CDKN2A: variants seen among roughly 807,000 people sequenced by gnomAD.
CDKN2A encodes cyclin dependent kinase inhibitor 2A, also known as cyclin-dependent kinase inhibitor 2A.
CDKN2A carries 3 observed loss-of-function variants against 11.1 expected under a neutral mutation model. That is an observed-to-expected ratio of 0.27 (90% CI 0.12 to 0.70). CDKN2A has a LOEUF of 0.70. Ranked by LOEUF, CDKN2A falls within the 30% of genes least tolerant of loss-of-function variation. The pLI is 0.77. For synonymous variants in CDKN2A, 122 were observed against 108.1 expected, an observed-to-expected ratio of 1.13 and a Z score of -0.80; for missense variants, 265 against 233.6, an observed-to-expected ratio of 1.13 and a Z score of -0.88.
chr9:21,975,049 A>C, upstream of CDKN2A: 4 of 1,344,546 alleles, frequency 3.0e-6, no homozygotes, highest in South Asian at 2.0e-5. Flanking sequence ...GGTGCTATTA[A>C]CTCCGAGCAC....
rs869312793 is a variant in CDKN2A, at chr9:21,969,973, G to A, written c.457+929C>T. Among the ~76,000 whole-genome samples, 16 of 152,044 alleles carry A rather than the reference G, an allele frequency of 1.1e-4. No individual in the cohort carries two copies. Among genetic ancestry groups the A allele is most frequent in the Non-Finnish European group, 2.9e-5 (2 of 68,020 alleles). ...ATGGCCCAAGGAGCCCAATGCCCCC[G>A]TTCTGGGCCAAAATAAGATGGATTT... On this transcript the variant is annotated intron_variant, in intron 2 of 2. Transcript: ENST00000304494.
At position 21,968,051 on chromosome 9, in the gene CDKN2A, G is replaced by A. The variant is rs920565471; in HGVS notation, c.*178C>T. 1.7e-5 allele frequency: 11 copies of A among 632,304 alleles called. No individual in the cohort carries two copies. The highest frequency in any genetic ancestry group is 7.4e-5 in the African/African-American group (4 of 54,206). The allele number at this position is 632,304 out of a possible 1,614,324, so 39.2% of individuals were successfully genotyped here. A position where few individuals can be genotyped will look rare whatever the true frequency, so the allele number is the denominator to read the frequency against. ...AAAAATGATATAAATGGACATTTAC[G>A]GTAGTGGGGGAAGGCATATATCTAC... On this transcript the variant is annotated 3_prime_UTR_variant, in exon 3 of 3. Coordinates refer to ENST00000304494, the MANE Select transcript of CDKN2A (RefSeq NM_000077.5). This position sits in a 1 kb window ranked among gnomAD's most constrained non-coding sequence, Gnocchi z 4.7.
chr9:21,983,395 T>C (rs114598324), intron 2 of CDKN2A, among the ~76,000 whole-genome samples: 162 of 152,234 alleles, frequency 1.1e-3, no homozygotes, highest in African/African-American at 3.7e-3. Flanking sequence ...ATGAGCTTTT[T>C]CTAACTTATT....
At chr9:21,984,528 G>C (rs1820261071) in intron 2 of CDKN2A, among the ~76,000 whole-genome samples, 1 of 151,922 alleles carries the variant, frequency 6.6e-6, no homozygotes, top group South Asian at 2.1e-4. Flanking sequence ...CAAATATGCT[G>C]TCCTTTTTAA....
At chr9:21,971,647 T>G (rs751101743) in intron 1 of CDKN2A, among the ~76,000 whole-genome samples, 5 of 147,756 alleles carry the variant, frequency 3.4e-5, no homozygotes, top group Non-Finnish European at 7.4e-5. Flanking sequence ...AAGAGAAAAC[T>G]TGTTTGTTTG....
upstream of CDKN2A, among the ~76,000 whole-genome samples, chr9:21,976,996 A>G (rs972954476): frequency 1.3e-5 from 2 of 152,248 alleles, no homozygotes; most frequent in African/African-American, 4.8e-5. Flanking sequence ...AGCTCTGTTT[A>G]AAAGTTATAT....
rs1333089816 is a variant in CDKN2A, at chr9:21,988,153, G to A, written c.-4+5729C>T. On this transcript the variant is annotated intron_variant, in intron 2 of 3. Coordinates refer to the CDKN2A transcript ENST00000494262. This position sits in a 1 kb window ranked among gnomAD's most constrained non-coding sequence, Gnocchi z 4.1. ...TACATGTCTTTGTTCATGTAATTCT[G>A]AACCTCTATAAAACTTTTCTCTCTT... Among the ~76,000 whole-genome samples, 2 of 151,952 alleles carry A rather than the reference G, an allele frequency of 1.3e-5. No individual in the cohort carries two copies. The highest frequency in any genetic ancestry group is 6.5e-5 in the Admixed American group (1 of 15,272).
chr9:21,970,802 C>T, intron 2 of CDKN2A, 100 bp downstream of exon 2: 1 of 1,434,862 alleles, frequency 7.0e-7, no homozygotes, highest in Non-Finnish European at 9.6e-7. Context: ...GAGGCAAGAC[C>T]GGAGACTGGT....
chr9:21,981,777 T>C (rs1329362713), intron 2 of CDKN2A, among the ~76,000 whole-genome samples: 1 of 152,062 alleles, frequency 6.6e-6, no homozygotes, highest in Non-Finnish European at 1.5e-5. Flanking sequence ...TCGAGTCCAA[T>C]GTGGGTGGTA....
Position 21,974,303 on chromosome 9 carries a change from T to G in CDKN2A, c.150+375A>C. On this transcript the variant is annotated intron_variant, in intron 1 of 2. Transcript: ENST00000304494. This position sits in a 1 kb window ranked among gnomAD's most constrained non-coding sequence, Gnocchi z 5.2. The stretch of plus-strand genomic sequence containing the variant: ...GAAAGATAAGCTCCATCCAGGTATC[T>G]GTGAATTGGAGGCTAAGTAGTCCCA... The G allele has an allele frequency of 2.3e-6, 2 of 887,984 alleles. No homozygotes were observed. The highest frequency in any genetic ancestry group is 3.2e-6 in the Non-Finnish European group (2 of 626,932). 55.0% of individuals were successfully genotyped at this position (887,984 alleles called of 1,614,324 possible).
At chr9:21,972,550 AC>A (rs1216496908) in intron 1 of CDKN2A, among the ~76,000 whole-genome samples, 1 of 152,178 alleles carries the variant, frequency 6.6e-6, no homozygotes, top group Non-Finnish European at 1.5e-5. Flanking sequence ...AAGGAATGAA[AC>A]CTTGTGGACC....
At position 21,990,318 on chromosome 9, in the gene CDKN2A, C is replaced by T. The variant is rs184432571; in HGVS notation, c.-4+3564G>A. Among the ~76,000 whole-genome samples the T allele has an allele frequency of 1.3e-3, 200 of 152,224 alleles. 1 individual carries two copies. Among genetic ancestry groups the T allele is most frequent in the African/African-American group, 4.5e-3 (187 of 41,546 alleles). On this transcript the variant is annotated intron_variant, in intron 2 of 3. Transcript: ENST00000494262. ...ACATAGCGTGCATTTCACAGTCTGA[C>T]GTCACAGCCCTCGCAGGTTTTCCCA...
intron 2 of CDKN2A, among the ~76,000 whole-genome samples, chr9:21,983,225 T>C (rs1467208037): frequency 6.6e-6 from 1 of 152,114 alleles, no homozygotes; most frequent in East Asian, 1.9e-4. Flanking sequence ...ATGATTTGCT[T>C]TCCTGATTAA....
In CDKN2A at chr9:21,991,100, T is replaced by C. The variant is rs939546148; in HGVS notation, c.-4+2782A>G. ...AAAATGAAACTGTACCCATTGTTTA[T>C]ATAACTTAAACTGCCAAAATAAAGC... On this transcript the variant is annotated intron_variant, in intron 2 of 3. Coordinates refer to the CDKN2A transcript ENST00000494262. The surrounding 1 kb of genome is among the most constrained non-coding windows in gnomAD (Gnocchi z 5.2). Among the ~76,000 whole-genome samples, 1 of 152,228 alleles carries C rather than the reference T, an allele frequency of 6.6e-6. No homozygotes were observed. The highest frequency in any genetic ancestry group is 1.5e-5 in the Non-Finnish European group (1 of 68,026).
In CDKN2A at chr9:21,994,147, C is replaced by A. The variant is rs1369774700; in HGVS notation, c.-175-94G>T. 6.2e-7 allele frequency: 1 copy of A among 1,601,632 alleles called. No individual in the cohort carries two copies. Among genetic ancestry groups the A allele is most frequent in the Admixed American group, 1.7e-5 (1 of 59,984 alleles). ...TCGAGGGCCTTTCCTACCTGGTCTTCTAGGAAGCGGCTGCTGCCCTAGACG... is the reference window on the plus strand; with the variant it reads ...TCGAGGGCCTTTCCTACCTGGTCTTATAGGAAGCGGCTGCTGCCCTAGACG... On this transcript the variant is annotated intron_variant, in intron 1 of 3. Transcript: ENST00000494262.
At chr9:21,975,232 T>G (rs922515148), upstream of CDKN2A, 117 of 979,250 alleles carry the variant, frequency 1.2e-4, no homozygotes, top group African/African-American at 1.8e-3. Flanking sequence ...CTCCCCCGCC[T>G]GCCAGCAAAG....
At chr9:21,993,982 C>T in exon 2 of CDKN2A, 1 of 790,902 alleles carries the variant, frequency 1.3e-6, no homozygotes, top group Non-Finnish European at 2.1e-6. Flanking sequence ...GCGAGAACCA[C>T]ATGTCTAAGT....
chr9:21,972,729 A>C (rs1819823304), intron 1 of CDKN2A, among the ~76,000 whole-genome samples: 2 of 152,230 alleles, frequency 1.3e-5, no homozygotes, highest in South Asian at 4.1e-4. Flanking sequence ...TGGTTCCTAA[A>C]TCATCTTGGA....
intron 2 of CDKN2A, among the ~76,000 whole-genome samples, chr9:21,969,358 A>G (rs1819577655): frequency 6.6e-6 from 1 of 152,176 alleles, no homozygotes; most frequent in Non-Finnish European, 1.5e-5. Context: ...ACTGCACTCC[A>G]GGTTGGGCAA....
Sources: allele counts gnomAD v4.1 joint callset (sites outside exome capture counted in the v4.1 genomes callset), GRCh38; gene constraint gnomAD v4.1.1; non-coding constraint Gnocchi (gnomAD v3.1); transcripts MANE v1.5; gene names NCBI Gene and HGNC (gene_info 2026-07-23, HGNC 2026-07-21).